Variants in CELF5 observed in about 807,000 individuals in gnomAD.
The protein encoded by CELF5 is CUGBP Elav-like family member 5, also known as CUG-BP and ETR-3 like factor 5.
CELF5 carries 6 observed loss-of-function variants against 54.9 expected under a neutral mutation model. That is an observed-to-expected ratio of 0.11 (90% CI 0.06 to 0.22). The LOEUF is 0.22. Among genes scored for constraint, CELF5 ranks in the 10% least tolerant of loss-of-function variants. CELF5 has a pLI of 1.00. For missense variants in CELF5, 401 were observed against 678.6 expected (o/e 0.59, Z 4.54); for synonymous variants, 271 against 290.9 (o/e 0.93, Z 0.70).
chr19:3,288,301 T>C (rs1157522569), intron 10 of CELF5, among the ~76,000 whole-genome samples: 4 of 141,112 alleles, frequency 2.8e-5, no homozygotes, highest in African/African-American at 1.1e-4. Context: ...GTGGGCAGAT[T>C]GCCTGAGGTT....
chr19:3,276,950 A>G (rs2080066080), intron 4 of CELF5, among the ~76,000 whole-genome samples: 1 of 152,026 alleles, frequency 6.6e-6, no homozygotes, highest in African/African-American at 2.4e-5. Context: ...CCACCTGACT[A>G]TTCGTAAAAC....
chr19:3,228,873 G>GGC lies in CELF5; in HGVS notation c.259+3877_259+3878dup, dbSNP rs1917099342. 7.7e-6 allele frequency among the ~76,000 whole-genome samples: 1 copy of GGC among 130,024 alleles called. No homozygotes were observed. 85.3% of individuals were successfully genotyped at this position (130,024 alleles called of 152,430 possible). On this transcript the variant is annotated intron_variant, in intron 1 of 12. Transcript: ENST00000292672. This position sits in a 1 kb window ranked among gnomAD's most constrained non-coding sequence, Gnocchi z 6.0. ...CTGGGGGTGGCTGGCAGGGTTGGCCGGCGTGTGTGTGTGTGTGTGTGTGTG... is the reference window on the plus strand; with the variant it reads ...CTGGGGGTGGCTGGCAGGGTTGGCCGGCGCGTGTGTGTGTGTGTGTGTGTGTG...
At chr19:3,241,377 G>T (rs10426752) in intron 1 of CELF5, among the ~76,000 whole-genome samples, 5 of 151,886 alleles carry the variant, frequency 3.3e-5, no homozygotes, top group Admixed American at 2.0e-4. Context: ...CACCGCGCCC[G>T]GCCTAAAGAT....
intron 1 of CELF5, among the ~76,000 whole-genome samples, chr19:3,229,017 T>C (rs1917117883): frequency 6.6e-6 from 1 of 151,790 alleles, no homozygotes; most frequent in Non-Finnish European, 1.5e-5. Context: ...GCATATTCTC[T>C]CCTTTATTTA....
chr19:3,246,245 T>A (rs2079564990), intron 1 of CELF5, among the ~76,000 whole-genome samples: 1 of 152,104 alleles, frequency 6.6e-6, no homozygotes, highest in Non-Finnish European at 1.5e-5. Flanking sequence ...ACACCTGTAA[T>A]CCCAGCTACT....
chr19:3,245,226 A>C (rs1346754452), intron 1 of CELF5, among the ~76,000 whole-genome samples: 1 of 113,252 alleles, frequency 8.8e-6, no homozygotes, highest in Non-Finnish European at 1.8e-5. Flanking sequence ...TGGGTGTGTG[A>C]TGTGTATATG....
chr19:3,225,455 GCACCCCTCCCTGCCCCCC>G, intron 1 of CELF5: 5 of 605,806 alleles, frequency 8.3e-6, no homozygotes, highest in Non-Finnish European at 1.0e-5. Context: ...GGGAACGCCG[GCACCCCTCCCTGCCCCCC>G]CACCCCCATT....
At chr19:3,260,709 G>A (rs552621235) in intron 2 of CELF5, among the ~76,000 whole-genome samples, 6 of 146,234 alleles carry the variant, frequency 4.1e-5, no homozygotes, top group Non-Finnish European at 6.0e-5. Flanking sequence ...TGCAAGCTCC[G>A]CCTCCCAGGT....
chr19:3,283,916 G>A (rs1340127333), intron 8 of CELF5, among the ~76,000 whole-genome samples: 2 of 151,810 alleles, frequency 1.3e-5, no homozygotes, highest in African/African-American at 2.4e-5. Flanking sequence ...TTGAACTCTC[G>A]AACTCCTGGG....
chr19:3,286,118 C>A, intron 10 of CELF5, 93 bp downstream of exon 10: 1 of 1,153,390 alleles, frequency 8.7e-7, no homozygotes, highest in East Asian at 3.0e-5. Flanking sequence ...GCCTCTGGGA[C>A]CCGCGGGGCT....
Position 3,281,423 on chromosome 19 carries a change from C to T in CELF5, c.750+78C>T, listed in dbSNP as rs2080151072. 13 of 1,489,172 alleles carry T rather than the reference C, an allele frequency of 8.7e-6. No homozygotes were observed. Among genetic ancestry groups the T allele is most frequent in the African/African-American group, 2.7e-5 (2 of 72,770 alleles). The allele number at this position is 1,489,172 out of a possible 1,614,324, so 92.2% of individuals were successfully genotyped here. ...TGTCTACTCTCTGTCGGGCTCCTGC[C>T]TCTCCCTCCATCTCCCTGACTCAGG... is the stretch of plus-strand genomic sequence containing the variant. On this transcript the variant is annotated intron_variant, in intron 6 of 12. Coordinates refer to ENST00000292672, the MANE Select transcript of CELF5 (RefSeq NM_021938.4). This position sits in a 1 kb window ranked among gnomAD's most constrained non-coding sequence, Gnocchi z 6.5.
At chr19:3,256,241 T>G (rs2079724184) in intron 2 of CELF5, among the ~76,000 whole-genome samples, 1 of 152,006 alleles carries the variant, frequency 6.6e-6, no homozygotes, top group Admixed American at 6.6e-5. Context: ...CCTGGAGAAT[T>G]TCTACCTTAC....
intron 10 of CELF5, chr19:3,286,502 C>T (rs112535129): frequency 0.016 from 2,450 of 154,608 alleles, 72 homozygotes; most frequent in African/African-American, 0.056. Flanking sequence ...TTTTGGGGGC[C>T]GAGGTGGGAG....
chr19:3,274,689 C>G (rs1365913518), intron 3 of CELF5, among the ~76,000 whole-genome samples: 1 of 152,114 alleles, frequency 6.6e-6, no homozygotes, highest in African/African-American at 2.4e-5. Context: ...TGTATATTTC[C>G]TCTCCATCTC....
At position 3,228,875 on chromosome 19, in the gene CELF5, CGTGTGTGTGT is replaced by C. The variant is rs60632293; in HGVS notation, c.259+3908_259+3917del. 2.1e-4 allele frequency among the ~76,000 whole-genome samples: 26 copies of C among 124,180 alleles called. No homozygotes were observed. In the South Asian group the frequency reaches 2.9e-3, roughly 14 times the overall value. The allele number at this position is 124,180 out of a possible 152,430, so 81.5% of individuals were successfully genotyped here. On this transcript the variant is annotated intron_variant, in intron 1 of 12. Transcript: ENST00000292672. This position sits in a 1 kb window ranked among gnomAD's most constrained non-coding sequence, Gnocchi z 6.0. ...GGGGGTGGCTGGCAGGGTTGGCCGGCGTGTGTGTGTGTGTGTGTGTGTGTGTGTGTGTGTG... is the reference window on the plus strand; with the variant it reads ...GGGGGTGGCTGGCAGGGTTGGCCGGCGTGTGTGTGTGTGTGTGTGTGTGTG...
chr19:3,225,480 C>CCATAA, intron 1 of CELF5: 1 of 670,802 alleles, frequency 1.5e-6, no homozygotes, highest in Non-Finnish European at 1.8e-6. Context: ...CCCCCACCCC[C>CCATAA]ATTCATTCAG....
At chr19:3,244,531 G>T (rs1374980649) in intron 1 of CELF5, among the ~76,000 whole-genome samples, 1 of 149,468 alleles carries the variant, frequency 6.7e-6, no homozygotes, top group African/African-American at 2.5e-5. Flanking sequence ...TTGTCTGCGT[G>T]TGTGTGTAGT....
intron 5 of CELF5, among the ~76,000 whole-genome samples, chr19:3,279,124 G>A (rs2080106692): frequency 1.3e-5 from 2 of 152,174 alleles, no homozygotes; most frequent in Admixed American, 1.3e-4. Flanking sequence ...CCAAGGTCCA[G>A]CTGAGGTAGG....
At chr19:3,258,870 C>G (rs1398068321) in intron 2 of CELF5, among the ~76,000 whole-genome samples, 5 of 152,110 alleles carry the variant, frequency 3.3e-5, no homozygotes, top group African/African-American at 1.2e-4. Context: ...CTCGGCCTCC[C>G]AAAGCGCTGA....
Sources: allele counts gnomAD v4.1 joint callset (sites outside exome capture counted in the v4.1 genomes callset), GRCh38; gene constraint gnomAD v4.1.1; non-coding constraint Gnocchi (gnomAD v3.1); transcripts MANE v1.5; gene names NCBI Gene and HGNC (gene_info 2026-07-23, HGNC 2026-07-21).